Variants in FLNB observed in about 807,000 individuals in gnomAD.
FLNB encodes the protein filamin-B.
A neutral mutation model predicts 250.6 loss-of-function variants in FLNB; 111 were observed. That is an observed-to-expected ratio of 0.44 (90% confidence interval 0.38 to 0.52). The LOEUF (loss-of-function observed/expected upper bound fraction) is 0.52. Among genes scored for constraint, FLNB ranks in the 20% least tolerant of loss-of-function variants. The pLI, the probability that FLNB is intolerant of heterozygous loss-of-function variation, is 0.00. For missense variants in FLNB, 2,869 were observed against 3,447.8 expected, an observed-to-expected ratio of 0.83 and a Z score of 4.20; for synonymous variants, 1,302 against 1,372.1, an observed-to-expected ratio of 0.95 and a Z score of 1.13.
At position 58,085,247 on chromosome 3, in the gene FLNB, G is replaced by A. The variant is rs138323765; in HGVS notation, c.787+3471G>A. Among the ~76,000 whole-genome samples, 592 of 148,018 alleles carry A rather than the reference G, an allele frequency of 4.0e-3. 5 individuals carry two copies. Among genetic ancestry groups the A allele is most frequent in the African/African-American group, 0.014 (562 of 39,626 alleles). Reference sequence around the variant, plus strand: ...AATTCTATATGCAGCTTATTTTTCAGGAGGAAGTGGCCTCACTCTGCTTTT... The same window carrying A: ...AATTCTATATGCAGCTTATTTTTCAAGAGGAAGTGGCCTCACTCTGCTTTT... On this transcript the variant is annotated intron_variant, in intron 4 of 45. Coordinates refer to ENST00000295956, the MANE Select transcript of FLNB (RefSeq NM_001457.4).
chr3:58,018,972 A>AG (rs2097109897), intron 1 of FLNB, among the ~76,000 whole-genome samples: 1 of 151,444 alleles, frequency 6.6e-6, no homozygotes, highest in Admixed American at 6.6e-5. Flanking sequence ...CAAAAAAAAA[A>AG]AAAAAAAAAA....
chr3:58,128,562 C>T (rs900669268), intron 24 of FLNB, among the ~76,000 whole-genome samples: 2 of 152,036 alleles, frequency 1.3e-5, no homozygotes, highest in African/African-American at 4.8e-5. Flanking sequence ...TTCAGAGCTA[C>T]GGGCTTGTTT....
chr3:58,152,691 C>T, intron 38 of FLNB: 1 of 1,263,602 alleles, frequency 7.9e-7, no homozygotes, highest in Non-Finnish European at 1.0e-6. Context: ...AACCTCCCTT[C>T]CCTTTTCTGT....
intron 1 of FLNB, among the ~76,000 whole-genome samples, chr3:58,038,274 C>G (rs2097140990): frequency 6.6e-6 from 1 of 152,086 alleles, no homozygotes; most frequent in Non-Finnish European, 1.5e-5. Flanking sequence ...GGTGATCCAC[C>G]TGCCTTGGCC....
chr3:58,134,910 T>C, intron 27 of FLNB, 138 bp downstream of exon 27: 1 of 803,996 alleles, frequency 1.2e-6, no homozygotes, highest in African/African-American at 1.7e-5. Context: ...AAAGAGTCAG[T>C]AAATGTGCAG....
rs765785129 is a variant in FLNB at position 58,136,176 on chromosome 3, C to T, written c.4861+8C>T. The T allele has an allele frequency of 6.2e-7, 1 of 1,614,070 alleles. No homozygotes were observed. Among genetic ancestry groups the T allele is most frequent in the South Asian group, 1.1e-5 (1 of 91,060 alleles). On this transcript the variant is annotated splice_region_variant and intron_variant, in intron 28 of 45. Transcript: ENST00000295956. ...GCAAGTGCCTGGCCACGGGTGAGTACAGGGCATCTCAAGGTCAGGGGCACA... is the reference window on the plus strand; with the variant it reads ...GCAAGTGCCTGGCCACGGGTGAGTATAGGGCATCTCAAGGTCAGGGGCACA...
intron 41 of FLNB, among the ~76,000 whole-genome samples, chr3:58,156,322 C>T (rs1434990606): frequency 2.0e-5 from 3 of 152,116 alleles, no homozygotes; most frequent in African/African-American, 7.2e-5. Flanking sequence ...TTTGGGGACA[C>T]GTTTGTTTTT....
intron 1 of FLNB, among the ~76,000 whole-genome samples, chr3:58,056,103 T>G (rs2097170046): frequency 7.6e-6 from 1 of 131,728 alleles, no homozygotes; most frequent in South Asian, 2.2e-4. Context: ...ATTTATTTAT[T>G]TATTTTTTTT....
In FLNB at chr3:58,008,427, A is replaced by G; in HGVS notation, c.-138A>G. 9.6e-7 allele frequency: 1 copy of G among 1,038,776 alleles called. No homozygotes were observed. The highest frequency in any genetic ancestry group is 1.5e-5 in the South Asian group (1 of 67,042). 64.3% of individuals were successfully genotyped at this position (1,038,776 alleles called of 1,614,324 possible). A position where few individuals can be genotyped will look rare whatever the true frequency, so the allele number is the denominator to read the frequency against. ...GGCCAGGGGCGGGCGGCCGCAGAGCAGCACCGGCCGTGGCTCCGGTAGCAG... is the reference window on the plus strand; with the variant it reads ...GGCCAGGGGCGGGCGGCCGCAGAGCGGCACCGGCCGTGGCTCCGGTAGCAG... On this transcript the variant is annotated 5_prime_UTR_variant, in exon 1 of 46. Transcript: ENST00000295956.
Position 58,141,948 on chromosome 3 carries a change from C to T in FLNB, c.5181+19C>T. The T allele has an allele frequency of 6.2e-7, 1 of 1,607,314 alleles. No homozygotes were observed. The highest frequency in any genetic ancestry group is 8.5e-7 in the Non-Finnish European group (1 of 1,173,734). The stretch of plus-strand genomic sequence containing the variant: ...GCCCTGGGTACAATTTTGGTTTTTT[C>T]CTTTTTGTGTTTCTGTGTTTACTCA... On this transcript the variant is annotated intron_variant, in intron 30 of 45. Coordinates refer to ENST00000295956, the MANE Select transcript of FLNB (RefSeq NM_001457.4).
chr3:58,094,843 GC>G lies in FLNB; in HGVS notation c.798del (p.Thr267LeufsTer5), dbSNP rs750107682. 1 of 1,613,948 alleles carries G rather than the reference GC, an allele frequency of 6.2e-7. No individual in the cohort carries two copies. Among genetic ancestry groups the G allele is most frequent in the South Asian group, 1.1e-5 (1 of 91,072 alleles). On this transcript the variant is annotated frameshift_variant, in exon 5 of 46. Transcript: ENST00000295956. LOFTEE classifies it high-confidence loss of function. ...TGTGTAAACCTGTGGCAGGAATCGA[GC>G]CCACTGGAAACATGGTGAAGCAGCC... Reference protein sequence around the residue: ...KARAYGRGIEPTGNMVKQPAK... With the variant: ...KARAYGRGIEXTGNMVKQPAK...
intron 28 of FLNB, 133 bp from the exon 29 acceptor site, chr3:58,138,149 A>G: frequency 8.7e-7 from 1 of 1,145,640 alleles, no homozygotes; most frequent in Non-Finnish European, 1.3e-6. Context: ...GATCTTTGGG[A>G]TATCCCTCTG....
chr3:58,126,564 A>C, intron 23 of FLNB, 38 bp from the exon 24 acceptor site: 1 of 1,609,060 alleles, frequency 6.2e-7, no homozygotes, highest in Non-Finnish European at 8.5e-7. Flanking sequence ...AGCATAAATA[A>C]ATGGTGCACA....
chr3:58,068,935 G>T (rs528305272), intron 1 of FLNB, among the ~76,000 whole-genome samples: 1 of 152,210 alleles, frequency 6.6e-6, no homozygotes, highest in African/African-American at 2.4e-5. Context: ...TGTTAAGGAG[G>T]GGCCAGTTTG....
At chr3:58,051,672 G>T (rs1249243826) in intron 1 of FLNB, among the ~76,000 whole-genome samples, 1 of 119,128 alleles carries the variant, frequency 8.4e-6, no homozygotes, top group Non-Finnish European at 1.7e-5. Flanking sequence ...TTTGGGGAGG[G>T]CAGTTTTTTT....
intron 36 of FLNB, chr3:58,149,247 T>C: frequency 3.5e-6 from 1 of 288,728 alleles, no homozygotes; most frequent in Non-Finnish European, 6.7e-6. Flanking sequence ...AAATGAAGCA[T>C]CTCTTTCTGT....
intron 4 of FLNB, among the ~76,000 whole-genome samples, chr3:58,083,238 A>C (rs1576686153): frequency 1.7e-5 from 2 of 120,270 alleles, no homozygotes; most frequent in African/African-American, 5.9e-5. Context: ...ATTTCCCCAA[A>C]CTTTTTTTTT....
chr3:58,132,749 C>G, intron 25 of FLNB, 59 bp from the exon 26 acceptor site: 1 of 1,612,076 alleles, frequency 6.2e-7, no homozygotes, highest in East Asian at 2.2e-5. Flanking sequence ...CAGACTCAGC[C>G]AAGGGTGGAG....
chr3:58,018,892 G>C (rs1285437447), intron 1 of FLNB, among the ~76,000 whole-genome samples: 2 of 150,126 alleles, frequency 1.3e-5, no homozygotes, highest in Non-Finnish European at 2.9e-5. Context: ...ACAGCACTTT[G>C]GAAGGCCGGT....
Sources: gnomAD v4.1 joint callset for allele counts (sites outside exome capture counted in the v4.1 genomes callset) on GRCh38, gnomAD v4.1.1 for gene constraint, MANE v1.5 for transcripts, NCBI Gene and HGNC (gene_info 2026-07-23, HGNC 2026-07-21) for gene names.